Variants in ZNF469 observed in about 807,000 individuals in gnomAD.
The protein encoded by ZNF469 is zinc finger protein 469.
In ZNF469, 1 loss-of-function variant was observed where a neutral mutation model predicts 1.0. The ratio of observed to expected loss-of-function variants is 1.00; its 90% CI spans 0.35 to 4.73. The LOEUF (loss-of-function observed/expected upper bound fraction) is 4.73, where lower values mean the gene tolerates loss of function less well. ZNF469 is among the 30% of genes most tolerant of loss of function. ZNF469 has a pLI of 0.16. For missense variants in ZNF469, 6,100 were observed against 5,356.3 expected (o/e 1.14, Z -4.33); for synonymous variants, 2,703 against 2,363.4 (o/e 1.14, Z -4.17).
At chr16:88,400,190 G>C (rs1406524135) in intron 1 of ZNF469, among the ~76,000 whole-genome samples, 1 of 152,230 alleles carries the variant, frequency 6.6e-6, no homozygotes, top group African/African-American at 2.4e-5. Context: ...CAGCAAGGAG[G>C]CTGGCATCTG....
At chr16:88,221,827 C>G in the ZNF469 span, among the ~76,000 whole-genome samples, 1 of 152,202 alleles carries the variant, frequency 6.6e-6, no homozygotes. Context: ...CTACTCTTCT[C>G]TGCTTGTGGA....
At chr16:88,322,178 C>A in the ZNF469 span, among the ~76,000 whole-genome samples, 1 of 152,202 alleles carries the variant, frequency 6.6e-6, no homozygotes, top group East Asian at 1.9e-4. Context: ...CTTCTCCCAG[C>A]CTCCGATGGA....
chr16:88,164,503 G>A, the ZNF469 span, among the ~76,000 whole-genome samples: 1 of 152,168 alleles, frequency 6.6e-6, no homozygotes, highest in African/African-American at 2.4e-5. Flanking sequence ...ATGGATGTTT[G>A]GATGAGCAGA....
the ZNF469 span, among the ~76,000 whole-genome samples, chr16:88,287,444 A>T: frequency 6.6e-6 from 1 of 152,220 alleles, no homozygotes; most frequent in Admixed American, 6.5e-5. Flanking sequence ...AAAAGGCTGC[A>T]CCACTGCCCA....
At chr16:88,120,801 A>G in the ZNF469 span, among the ~76,000 whole-genome samples, 2 of 152,138 alleles carry the variant, frequency 1.3e-5, no homozygotes, top group Non-Finnish European at 2.9e-5. Context: ...TCTCGTATGA[A>G]TCCCGGAGGA....
At chr16:88,407,245 G>A (rs945926488) in intron 1 of ZNF469, among the ~76,000 whole-genome samples, 2 of 105,084 alleles carry the variant, frequency 1.9e-5, no homozygotes, top group Non-Finnish European at 4.2e-5. Context: ...GCGTCACTGG[G>A]AATTGTCTCA....
At chr16:88,241,661 C>T in the ZNF469 span, among the ~76,000 whole-genome samples, 7 of 152,322 alleles carry the variant, frequency 4.6e-5, no homozygotes, top group South Asian at 1.4e-3. This position sits in a 1 kb window ranked among gnomAD's most constrained non-coding sequence, Gnocchi z 4.8. Context: ...CCCGATCACA[C>T]CACTGATGTC....
intron 1 of ZNF469, among the ~76,000 whole-genome samples, chr16:88,415,389 C>A (rs1220172277): frequency 1.3e-5 from 2 of 152,226 alleles, no homozygotes; most frequent in South Asian, 4.1e-4. Context: ...CCTCAAACCT[C>A]AGCCAGACTC....
chr16:88,396,500 A>ATGAAGGGAGGCCAGGCGGAGACCCGTC (rs1567499993), intron 1 of ZNF469, among the ~76,000 whole-genome samples: 1 of 89,980 alleles, frequency 1.1e-5, no homozygotes, highest in East Asian at 3.7e-4. Flanking sequence ...GGAGACCCTC[A>ATGAAGGGAGGCCAGGCGGAGACCCGTC]TGAAGGGAGG....
intron 1 of ZNF469, among the ~76,000 whole-genome samples, chr16:88,396,991 G>C (rs1904700071): frequency 6.6e-6 from 1 of 150,794 alleles, no homozygotes; most frequent in African/African-American, 2.4e-5. Context: ...CCCTCCTGAA[G>C]GGAGGCCGGG....
At chr16:88,277,650 C>T in the ZNF469 span, among the ~76,000 whole-genome samples, 1 of 131,406 alleles carries the variant, frequency 7.6e-6, no homozygotes, top group Non-Finnish European at 1.7e-5. Flanking sequence ...AGTGCTGTGC[C>T]ACGCTGACAC....
the ZNF469 span, among the ~76,000 whole-genome samples, chr16:88,366,126 C>A: frequency 6.6e-6 from 1 of 151,804 alleles, no homozygotes; most frequent in Non-Finnish European, 1.5e-5. Context: ...TCACCATCAT[C>A]ACCATCATCA....
rs1464473509 is a variant in ZNF469 at position 88,397,087 on chromosome 16, G to T, written c.-192+13833G>T. On this transcript the variant is annotated intron_variant, in intron 1 of 2. Coordinates refer to ENST00000565624, the MANE Select transcript of ZNF469 (RefSeq NM_001367624.2). ...CCCTTCTGAAGGGAGGCCAGGCAGA[G>T]ACCCTGCTGCAGGGAGGCCAGGCAA... 2.0e-5 allele frequency among the ~76,000 whole-genome samples: 3 copies of T among 152,144 alleles called. No homozygotes were observed. The East Asian group carries it at 5.8e-4, about 29-fold the overall frequency.
At chr16:88,175,055 G>A in the ZNF469 span, among the ~76,000 whole-genome samples, 1 of 152,036 alleles carries the variant, frequency 6.6e-6, no homozygotes, top group South Asian at 2.1e-4. Flanking sequence ...TTGTTCATAG[G>A]AGAAATTTCT....
chr16:88,116,228 C>T, the ZNF469 span, among the ~76,000 whole-genome samples: 1 of 152,204 alleles, frequency 6.6e-6, no homozygotes, highest in Non-Finnish European at 1.5e-5. Context: ...GCAGGTGCTC[C>T]TTGCCAGCAG....
upstream of ZNF469, among the ~76,000 whole-genome samples, chr16:88,380,466 C>CAT (rs142860681): frequency 0.24 from 33,455 of 141,410 alleles, 7,089 homozygotes; most frequent in African/African-American, 0.54. Context: ...TGCACACACA[C>CAT]ATGCACTCAC....
the ZNF469 span, among the ~76,000 whole-genome samples, chr16:88,106,433 C>T: frequency 6.6e-6 from 1 of 152,002 alleles, no homozygotes; most frequent in Non-Finnish European, 1.5e-5. Context: ...CTAGAGCTTT[C>T]TTTTGGTGTC....
rs911213937 is a variant in ZNF469 at position 88,430,946 on chromosome 16, G to A, written c.3476G>A (p.Gly1159Asp). 2.0e-6 allele frequency: 3 copies of A among 1,535,762 alleles called. No homozygotes were observed. The highest frequency in any genetic ancestry group is 2.7e-5 in the African/African-American group (2 of 72,820). Reference protein sequence around the residue: ...DGAPANPEEPGGSRPGPGRSP... With the variant: ...DGAPANPEEPDGSRPGPGRSP... ...GCCCCCGCGAACCCCGAGGAGCCGG[G>A]CGGGTCTCGCCCGGGCCCCGGCAGG... Residue 1159 changes from glycine (G) to aspartate (D), a missense_variant, in exon 3 of 3, where the codon GGC (glycine) becomes GAC (aspartate). Coordinates refer to ENST00000565624, the MANE Select transcript of ZNF469 (RefSeq NM_001367624.2).
the ZNF469 span, among the ~76,000 whole-genome samples, chr16:88,125,646 T>G: frequency 6.6e-6 from 1 of 152,226 alleles, no homozygotes; most frequent in Non-Finnish European, 1.5e-5. Context: ...CAGGTCTAGC[T>G]CATACTTTGT....
Sources: gnomAD v4.1 joint callset for allele counts (sites outside exome capture counted in the v4.1 genomes callset) on GRCh38, gnomAD v4.1.1 for gene constraint, Gnocchi (gnomAD v3.1) non-coding constraint, MANE v1.5 for transcripts, NCBI Gene and HGNC (gene_info 2026-07-23, HGNC 2026-07-21) for gene names.